The following GNAL variants were observed in gnomAD, a reference collection of about 807,000 sequenced individuals.
The protein encoded by GNAL is G protein subunit alpha L.
Under a neutral mutation model 55.1 loss-of-function variants are expected in GNAL, and 18 were observed. The observed-to-expected ratio is 0.33, with a 90% CI of 0.23 to 0.48. The LOEUF (loss-of-function observed/expected upper bound fraction) is 0.48, where lower values mean the gene tolerates loss of function less well. Among genes scored for constraint, GNAL ranks in the 20% least tolerant of loss-of-function variants. GNAL has a pLI of 0.99. For missense variants in GNAL, 412 were observed against 614.1 expected, an observed-to-expected ratio of 0.67 and a Z score of 3.48; for synonymous variants, 253 against 237.0, an observed-to-expected ratio of 1.07 and a Z score of -0.62.
chr18:11,739,639 CTT>C (rs879671877), intron 1 of GNAL, among the ~76,000 whole-genome samples: 2 of 144,556 alleles, frequency 1.4e-5, no homozygotes, highest in Non-Finnish European at 1.5e-5. Context: ...GGTCCCTTTC[CTT>C]TTTTTTTTTT....
chr18:11,812,581 C>T (rs1356301279), intron 4 of GNAL, among the ~76,000 whole-genome samples: 2 of 152,216 alleles, frequency 1.3e-5, no homozygotes, highest in African/African-American at 2.4e-5. Flanking sequence ...CGGTGGCTCA[C>T]GCCTGTAATC....
At position 11,883,172 on chromosome 18, in the gene GNAL, T is replaced by C. The variant is rs1188253016; in HGVS notation, c.*2037T>C. 2.0e-5 allele frequency: 3 copies of C among 151,422 alleles called. No individual in the cohort carries two copies. The highest frequency in any genetic ancestry group is 6.6e-5 in the Admixed American group (1 of 15,196). The allele number at this position is 151,422 out of a possible 1,614,324, so 9.4% of individuals were successfully genotyped here. The stretch of plus-strand genomic sequence containing the variant: ...CTTTTTCATGAAGAAAGGATAACTT[T>C]ATAGACAGTCAGTGCAACACACACA... On this transcript the variant is annotated 3_prime_UTR_variant, in exon 12 of 12. Transcript: ENST00000334049.
intron 1 of GNAL, among the ~76,000 whole-genome samples, chr18:11,695,193 C>T (rs1042835599): frequency 3.9e-5 from 6 of 152,226 alleles, no homozygotes; most frequent in African/African-American, 1.4e-4. Flanking sequence ...TTTGTGAGAA[C>T]ACAGGCCCAA....
intron 6 of GNAL, 77 bp from the exon 7 acceptor site, chr18:11,864,456 G>C (rs1196377949): frequency 1.3e-6 from 1 of 798,694 alleles, no homozygotes; most frequent in African/African-American, 1.7e-5. Context: ...ATATTGATGA[G>C]GTATAGTTAT....
chr18:11,844,234 G>A (rs1011039832), intron 5 of GNAL, among the ~76,000 whole-genome samples: 17 of 152,106 alleles, frequency 1.1e-4, no homozygotes, highest in Non-Finnish European at 2.1e-4. Context: ...AGGAGTTTGA[G>A]GCCAGCCTGG....
chr18:11,856,626 A>T lies in GNAL; in HGVS notation c.723-5769A>T, dbSNP rs1048584761. Among the ~76,000 whole-genome samples, 12 of 149,644 alleles carry T rather than the reference A, an allele frequency of 8.0e-5. 2 individuals carry two copies. Among genetic ancestry groups the T allele is most frequent in the African/African-American group, 2.8e-4 (11 of 39,064 alleles). On this transcript the variant is annotated intron_variant, in intron 5 of 11. Coordinates refer to ENST00000334049, the MANE Select transcript of GNAL (RefSeq NM_182978.4). ...CAGGACAAACAATTCAGCAGTGTTT[A>T]CTCAAAATGACAATACAGGTGGGGC...
rs2032868304 is a variant in GNAL, at chr18:11,752,226, C to G, written c.377-627C>G. Reference sequence around the variant, plus strand: ...AAAGGCATTTTACTCCGCGCGTCTTCCTTACAGCCATTTAGTTGGGAGTTT... The same window carrying G: ...AAAGGCATTTTACTCCGCGCGTCTTGCTTACAGCCATTTAGTTGGGAGTTT... On this transcript the variant is annotated intron_variant, in intron 1 of 11. Coordinates refer to ENST00000334049, the MANE Select transcript of GNAL (RefSeq NM_182978.4). This position sits in a 1 kb window ranked among gnomAD's most constrained non-coding sequence, Gnocchi z 4.5. The G allele has an allele frequency of 9.9e-7, 1 of 1,007,406 alleles. No homozygotes were observed. Among genetic ancestry groups the G allele is most frequent in the African/African-American group, 1.7e-5 (1 of 59,024 alleles). 62.4% of individuals were successfully genotyped at this position (1,007,406 alleles called of 1,614,324 possible). A position where few individuals can be genotyped will look rare whatever the true frequency, so the allele number is the denominator to read the frequency against.
At chr18:11,832,902 T>A (rs2035418575) in intron 5 of GNAL, among the ~76,000 whole-genome samples, 1 of 152,066 alleles carries the variant, frequency 6.6e-6, no homozygotes, top group Non-Finnish European at 1.5e-5. Flanking sequence ...AAAAATGAGA[T>A]GAAAGGAACT....
chr18:11,745,387 G>A (rs1304925619), intron 1 of GNAL, among the ~76,000 whole-genome samples: 3 of 151,972 alleles, frequency 2.0e-5, no homozygotes, highest in African/African-American at 7.3e-5. Flanking sequence ...TTCAACATTT[G>A]CCATCTTCAA....
chr18:11,821,710 G>T (rs2035095190), intron 4 of GNAL, among the ~76,000 whole-genome samples: 1 of 152,264 alleles, frequency 6.6e-6, no homozygotes, highest in South Asian at 2.1e-4. Flanking sequence ...AAGCTGGGGA[G>T]CTGCGGGGGT....
chr18:11,858,389 C>T (rs2036057536), intron 5 of GNAL, among the ~76,000 whole-genome samples: 2 of 152,108 alleles, frequency 1.3e-5, no homozygotes, highest in Admixed American at 6.6e-5. Flanking sequence ...GAATAGTCTG[C>T]AAGGGATTTT....
chr18:11,831,762 C>T (rs1786573), intron 5 of GNAL, among the ~76,000 whole-genome samples: 93,601 of 152,164 alleles, frequency 0.62, 31,650 homozygotes, highest in Admixed American at 0.77. Context: ...CTTACCTAGC[C>T]TTGTCCCGTC....
intron 11 of GNAL, among the ~76,000 whole-genome samples, chr18:11,880,046 C>G (rs1027269745): frequency 5.3e-5 from 8 of 151,032 alleles, no homozygotes; most frequent in Admixed American, 6.6e-5. Context: ...ATCATGAGGT[C>G]AGGAGTTCAA....
intron 1 of GNAL, among the ~76,000 whole-genome samples, chr18:11,705,555 C>A (rs2031687962): frequency 6.6e-6 from 1 of 152,058 alleles, no homozygotes; most frequent in African/African-American, 2.4e-5. Flanking sequence ...AGCAGCTGTA[C>A]CATTTTAATT....
At chr18:11,801,442 A>T (rs982508776) in intron 4 of GNAL, among the ~76,000 whole-genome samples, 1 of 152,224 alleles carries the variant, frequency 6.6e-6, no homozygotes, top group African/African-American at 2.4e-5. Context: ...AGTCCTAGCA[A>T]CTAGGGAGGC....
Position 11,884,899 on chromosome 18 carries a change from C to T in GNAL, c.*3764C>T. ...CTGACCTGTCAAAACTGGCCCCTGG[C>T]TCACTGGGTTCCCATCAAATATAGT... is the stretch of plus-strand genomic sequence containing the variant. On this transcript the variant is annotated 3_prime_UTR_variant, in exon 12 of 12. Coordinates refer to ENST00000334049, the MANE Select transcript of GNAL (RefSeq NM_182978.4). 1 of 1,305,514 alleles carries T rather than the reference C, an allele frequency of 7.7e-7. No individual in the cohort carries two copies. Among genetic ancestry groups the T allele is most frequent in the South Asian group, 1.5e-5 (1 of 66,222 alleles). The allele number at this position is 1,305,514 out of a possible 1,614,324, so 80.9% of individuals were successfully genotyped here. A position where few individuals can be genotyped will look rare whatever the true frequency, so the allele number is the denominator to read the frequency against.
chr18:11,803,633 A>G (rs2034576466), intron 4 of GNAL, among the ~76,000 whole-genome samples: 1 of 152,186 alleles, frequency 6.6e-6, no homozygotes, highest in African/African-American at 2.4e-5. Flanking sequence ...GTTTGGATGG[A>G]ACACGGAGAT....
intron 5 of GNAL, chr18:11,851,946 C>A: frequency 6.2e-7 from 1 of 1,613,948 alleles, no homozygotes; most frequent in Non-Finnish European, 8.5e-7. Flanking sequence ...TCACCACTCC[C>A]CAGAACCAAG....
intron 4 of GNAL, among the ~76,000 whole-genome samples, chr18:11,790,179 T>C (rs1275326450): frequency 6.6e-6 from 1 of 152,154 alleles, no homozygotes; most frequent in Non-Finnish European, 1.5e-5. Flanking sequence ...AGCCAGTTGT[T>C]GGATGAGGGG....
Sources: gnomAD v4.1 joint callset for allele counts (sites outside exome capture counted in the v4.1 genomes callset) on GRCh38, gnomAD v4.1.1 for gene constraint, Gnocchi (gnomAD v3.1) non-coding constraint, MANE v1.5 for transcripts, NCBI Gene and HGNC (gene_info 2026-07-23, HGNC 2026-07-21) for gene names.